PLD1: variants seen among roughly 807,000 people sequenced by gnomAD.
The protein encoded by PLD1 is choline phosphatase 1.
A neutral mutation model predicts 137.1 loss-of-function variants in PLD1; 112 were observed. The ratio of observed to expected loss-of-function variants is 0.82; its 90% CI spans 0.70 to 0.96. The LOEUF (loss-of-function observed/expected upper bound fraction) is 0.96. Among genes scored for constraint, PLD1 ranks in the 40% least tolerant of loss-of-function variants. The pLI, the probability that PLD1 is intolerant of heterozygous loss-of-function variation, is 0.00. For missense variants in PLD1, 1,321 were observed against 1,342.0 expected (o/e 0.98, Z 0.24); for synonymous variants, 431 against 454.7 (o/e 0.95, Z 0.66).
chr3:171,612,513 T>C lies in PLD1; in HGVS notation c.2729-81A>G. 1 of 1,366,392 alleles carries C rather than the reference T, an allele frequency of 7.3e-7. No homozygotes were observed. Among genetic ancestry groups the C allele is most frequent in the Non-Finnish European group, 1.0e-6 (1 of 967,388 alleles). The allele number at this position is 1,366,392 out of a possible 1,614,324, so 84.6% of individuals were successfully genotyped here. On this transcript the variant is annotated intron_variant, in intron 24 of 26. Transcript: ENST00000351298. The surrounding 1 kb of genome is among the most constrained non-coding windows in gnomAD (Gnocchi z 4.1). ...GTTGCCCTCCCAACTCAATTCATCCTTGCAAACAAAACCGTAATTTTGTCC... is the reference window on the plus strand; with the variant it reads ...GTTGCCCTCCCAACTCAATTCATCCCTGCAAACAAAACCGTAATTTTGTCC...
intron 7 of PLD1, among the ~76,000 whole-genome samples, chr3:171,725,708 T>C (rs574086148): frequency 6.6e-6 from 1 of 152,244 alleles, no homozygotes; most frequent in Non-Finnish European, 1.5e-5. Context: ...AAGGAGATCT[T>C]ATATATTTGA....
chr3:171,640,632 A>G (rs1228063838), intron 23 of PLD1, among the ~76,000 whole-genome samples: 1 of 152,220 alleles, frequency 6.6e-6, no homozygotes, highest in Admixed American at 6.5e-5. Flanking sequence ...TCAGGCATGC[A>G]GTTTATAACT....
chr3:171,781,257 T>C (rs993563413), intron 1 of PLD1, among the ~76,000 whole-genome samples: 1 of 145,572 alleles, frequency 6.9e-6, no homozygotes, highest in African/African-American at 2.5e-5. Context: ...AAAAAAAAAC[T>C]AAATATCTAT....
rs200220075 is a variant in PLD1, at chr3:171,694,661, C to T, written c.1228-2219G>A. ...ACACCTGACATTCTTCATCATGACCCATTTATTTTAAGCAGATGAAATTCT... is the reference window on the plus strand; with the variant it reads ...ACACCTGACATTCTTCATCATGACCTATTTATTTTAAGCAGATGAAATTCT... On this transcript the variant is annotated intron_variant, in intron 12 of 26. Coordinates refer to ENST00000351298, the MANE Select transcript of PLD1 (RefSeq NM_002662.5). 1.6e-4 allele frequency among the ~76,000 whole-genome samples: 25 copies of T among 152,130 alleles called. No individual in the cohort carries two copies. The East Asian group carries it at 2.9e-3, about 18-fold the overall frequency.
intron 1 of PLD1, among the ~76,000 whole-genome samples, chr3:171,755,392 C>A (rs1474497889): frequency 6.6e-6 from 1 of 152,130 alleles, no homozygotes; most frequent in Non-Finnish European, 1.5e-5. Flanking sequence ...CCATTCTTAT[C>A]TCACTTAATC....
chr3:171,652,231 G>A (rs1024546389), intron 21 of PLD1, among the ~76,000 whole-genome samples: 1 of 152,010 alleles, frequency 6.6e-6, no homozygotes, highest in Non-Finnish European at 1.5e-5. Context: ...GGATAACACA[G>A]TGAAACCCCG....
intron 1 of PLD1, among the ~76,000 whole-genome samples, chr3:171,772,780 A>G (rs1722434176): frequency 6.6e-6 from 1 of 152,234 alleles, no homozygotes; most frequent in Admixed American, 6.5e-5. Context: ...TATGTCGTTA[A>G]ATATTATTAA....
chr3:171,713,360 C>G (rs1004644543), intron 9 of PLD1, among the ~76,000 whole-genome samples: 2 of 152,152 alleles, frequency 1.3e-5, no homozygotes, highest in African/African-American at 4.8e-5. Context: ...ACTCAGGAGG[C>G]TGAAGTGGGA....
Position 171,620,433 on chromosome 3 carries a change from T to C in PLD1, c.2681A>G (p.Tyr894Cys), listed in dbSNP as rs191205035. The part of the protein sequence containing the change: ...LEGNLVTELI[Y>C]VHSKLLIADD... ...AGCAATTAACAACTTGCTGTGGACA[T>C]AGATAAGCTCAGTTACTAGGTTTCC... The change falls in exon 24 of 27, where the codon TAT (tyrosine) becomes TGT (cysteine). Residue 894 changes from tyrosine (Y) to cysteine (C), a missense_variant. Tyr to Cys is a radical substitution (Grantham distance 194). Coordinates refer to ENST00000351298, the MANE Select transcript of PLD1 (RefSeq NM_002662.5). 10 of 1,599,952 alleles carry C rather than the reference T, an allele frequency of 6.3e-6. No individual in the cohort carries two copies. The highest frequency in any genetic ancestry group is 4.5e-5 in the South Asian group (4 of 89,590).
In PLD1 at chr3:171,648,618, G is replaced by A. The variant is rs911000387; in HGVS notation, c.2430-3595C>T. Among the ~76,000 whole-genome samples, 18 of 151,134 alleles carry A rather than the reference G, an allele frequency of 1.2e-4. 1 individual carries two copies. The South Asian group carries it at 1.5e-3, about 12-fold the overall frequency. On this transcript the variant is annotated intron_variant, in intron 21 of 26. Coordinates refer to ENST00000351298, the MANE Select transcript of PLD1 (RefSeq NM_002662.5). The stretch of plus-strand genomic sequence containing the variant: ...CGCCTAGGCTGGAGTGCCGTGGTGC[G>A]ATCTCGGCTCACTGCAAGCTCCACC...
chr3:171,730,385 C>T (rs2108251480), intron 6 of PLD1, among the ~76,000 whole-genome samples: 1 of 150,550 alleles, frequency 6.6e-6, no homozygotes, highest in East Asian at 2.0e-4. Flanking sequence ...TACACTAAAA[C>T]ACTAGGATGC....
intron 1 of PLD1, among the ~76,000 whole-genome samples, chr3:171,742,188 ATGGGCAC>A (rs1719826889): frequency 6.6e-6 from 1 of 152,262 alleles, no homozygotes; most frequent in African/African-American, 2.4e-5. Context: ...GGGAGGAAAG[ATGGGCAC>A]TGGGAGACTT....
At chr3:171,655,078 T>C (rs1737078901) in intron 21 of PLD1, among the ~76,000 whole-genome samples, 1 of 152,208 alleles carries the variant, frequency 6.6e-6, no homozygotes, top group East Asian at 1.9e-4. Flanking sequence ...AGGAGGGACC[T>C]GGCAGAGGGC....
At chr3:171,769,818 A>T (rs924189686) in intron 1 of PLD1, among the ~76,000 whole-genome samples, 7 of 152,062 alleles carry the variant, frequency 4.6e-5, no homozygotes, top group African/African-American at 7.2e-5. Context: ...GAAAGAACAG[A>T]CCCTTTCTAA....
chr3:171,797,280 A>G (rs1723471255), intron 1 of PLD1, among the ~76,000 whole-genome samples: 1 of 152,078 alleles, frequency 6.6e-6, no homozygotes, highest in African/African-American at 2.4e-5. Context: ...CCACCTCTCC[A>G]CACCCTGTTT....
chr3:171,713,163 C>T (rs969386693), intron 9 of PLD1, among the ~76,000 whole-genome samples: 4 of 152,210 alleles, frequency 2.6e-5, no homozygotes, highest in Non-Finnish European at 5.9e-5. Flanking sequence ...AGTGTCCTTT[C>T]AAGATATCTT....
chr3:171,640,367 A>AT (rs1735633573), intron 23 of PLD1, among the ~76,000 whole-genome samples: 1 of 151,996 alleles, frequency 6.6e-6, no homozygotes, highest in South Asian at 2.1e-4. Flanking sequence ...TGCTGTTTTC[A>AT]TTTTCATTCA....
At chr3:171,686,123 C>CA (rs370165481) in intron 16 of PLD1, among the ~76,000 whole-genome samples, 9,600 of 73,790 alleles carry the variant, frequency 0.13, 479 homozygotes, top group South Asian at 0.17. Context: ...GACTCTATCT[C>CA]AAAAAAAAAA....
chr3:171,634,245 C>G (rs1237312711), intron 23 of PLD1, among the ~76,000 whole-genome samples: 2 of 152,064 alleles, frequency 1.3e-5, no homozygotes, highest in Non-Finnish European at 2.9e-5. Flanking sequence ...CCAATTTGCA[C>G]CCTTGAATAG....
Sources: allele counts gnomAD v4.1 joint callset (sites outside exome capture counted in the v4.1 genomes callset), GRCh38; gene constraint gnomAD v4.1.1; non-coding constraint Gnocchi (gnomAD v3.1); transcripts MANE v1.5; gene names NCBI Gene and HGNC (gene_info 2026-07-23, HGNC 2026-07-21).